Variants in SEMA4D observed in about 807,000 individuals in gnomAD.
SEMA4D encodes semaphorin 4D.
Under a neutral mutation model 74.8 loss-of-function variants are expected in SEMA4D, and 22 were observed. The ratio of observed to expected loss-of-function variants is 0.29; its 90% CI spans 0.21 to 0.42. The LOEUF (loss-of-function observed/expected upper bound fraction) is 0.42. Among genes scored for constraint, SEMA4D ranks in the 10% least tolerant of loss-of-function variants. SEMA4D has a pLI of 1.00. For missense variants in SEMA4D, 937 were observed against 1,118.4 expected, an observed-to-expected ratio of 0.84 and a Z score of 2.31; for synonymous variants, 445 against 463.7, an observed-to-expected ratio of 0.96 and a Z score of 0.52.
At chr9:89,384,115 G>A (rs1329537414) in intron 13 of SEMA4D, among the ~76,000 whole-genome samples, 3 of 152,218 alleles carry the variant, frequency 2.0e-5, no homozygotes, top group Non-Finnish European at 4.4e-5. Flanking sequence ...GGTGGGCTCA[G>A]AGAGGGCCGA....
intron 16 of SEMA4D, among the ~76,000 whole-genome samples, chr9:89,371,716 TGTG>T (rs1326966450): frequency 1.5e-5 from 1 of 68,210 alleles, no homozygotes; most frequent in Non-Finnish European, 2.7e-5. Context: ...GTGTCTGGGG[TGTG>T]GTGTGTGTCT....
At chr9:89,376,556 G>A (rs773154863), downstream of SEMA4D, 2 of 369,606 alleles carry the variant, frequency 5.4e-6, no homozygotes, top group Admixed American at 4.6e-5. Flanking sequence ...TAGTGGCTGT[G>A]ACACAGCCTG....
intron 2 of SEMA4D, among the ~76,000 whole-genome samples, chr9:89,440,728 G>A (rs1270336276): frequency 6.6e-6 from 1 of 152,200 alleles, no homozygotes; most frequent in African/African-American, 2.4e-5. Flanking sequence ...AGCAAAGTGG[G>A]GCTGACTCCA....
chr9:89,413,936 C>G (rs1218051972), intron 2 of SEMA4D, among the ~76,000 whole-genome samples: 2 of 152,208 alleles, frequency 1.3e-5, no homozygotes, highest in Non-Finnish European at 2.9e-5. Flanking sequence ...ATGTGTCACT[C>G]TGTTGCAGAA....
chr9:89,469,364 A>AC (rs752443317), intron 1 of SEMA4D, among the ~76,000 whole-genome samples: 26,087 of 152,184 alleles, frequency 0.17, no homozygotes, highest in East Asian at 0.27. Context: ...TTCCAGTAAA[A>AC]CTAACAATTA....
At chr9:89,441,754 G>A (rs117145054) in intron 2 of SEMA4D, among the ~76,000 whole-genome samples, 2,491 of 152,226 alleles carry the variant, frequency 0.016, 33 homozygotes, top group Non-Finnish European at 0.027. Context: ...ACCACTCTGC[G>A]TCCAGCTTTC....
chr9:89,447,502 G>T (rs938550597), intron 2 of SEMA4D, among the ~76,000 whole-genome samples: 1 of 151,174 alleles, frequency 6.6e-6, no homozygotes, highest in Admixed American at 6.6e-5. Context: ...TGTGCTCCCC[G>T]ACCCCCACCA....
chr9:89,446,999 G>A (rs960149629), intron 2 of SEMA4D, among the ~76,000 whole-genome samples: 5 of 152,226 alleles, frequency 3.3e-5, no homozygotes, highest in African/African-American at 1.2e-4. Flanking sequence ...CCTGCCATGT[G>A]TCCTATCCTT....
intron 8 of SEMA4D, among the ~76,000 whole-genome samples, chr9:89,391,958 C>T (rs1402134657): frequency 2.0e-5 from 3 of 152,240 alleles, no homozygotes; most frequent in Non-Finnish European, 4.4e-5. Flanking sequence ...CCACCAGCTT[C>T]TTCCTGCACA....
chr9:89,396,632 ATT>A, intron 6 of SEMA4D, 103 bp downstream of exon 6: 5 of 913,944 alleles, frequency 5.5e-6, no homozygotes, highest in African/African-American at 1.7e-5. Flanking sequence ...AGAAAATCCT[ATT>A]TTTTTTTAGG....
At chr9:89,376,030 G>T (rs1360234840), downstream of SEMA4D, among the ~76,000 whole-genome samples, 1 of 152,092 alleles carries the variant, frequency 6.6e-6, no homozygotes, top group Admixed American at 6.5e-5. Flanking sequence ...TAGAGATCAG[G>T]TCTCGCTATG....
chr9:89,444,505 C>T (rs1033985336), intron 2 of SEMA4D, among the ~76,000 whole-genome samples: 2 of 152,138 alleles, frequency 1.3e-5, no homozygotes, highest in Non-Finnish European at 2.9e-5. Flanking sequence ...CCAGACGGAA[C>T]CCAGTTTACA....
rs574255152 is a variant in SEMA4D at position 89,363,877 on chromosome 9, A to C, written c.1956T>G (p.His652Gln). 8 of 1,614,004 alleles carry C rather than the reference A, an allele frequency of 5.0e-6. No homozygotes were observed. In the Admixed American group the frequency reaches 1.3e-4, roughly 27 times the overall value. Residue 652 changes from histidine to glutamine, a missense_variant, in exon 17 of 19, where the codon CAT (histidine) becomes CAG (glutamine). Physicochemically the swap from His to Gln is conservative, Grantham distance 24. Coordinates refer to the SEMA4D transcript ENST00000339861. ...CATGGGCCCTGCCATCGGGCAGTGC[A>C]TGGGTCTGCACAGGGACACAGGTCT...
intron 1 of SEMA4D, among the ~76,000 whole-genome samples, chr9:89,458,754 T>C (rs565800313): frequency 6.6e-5 from 10 of 151,736 alleles, no homozygotes; most frequent in East Asian, 3.9e-4. Context: ...CACACACACA[T>C]ATACATATAT....
chr9:89,472,217 T>C lies in SEMA4D; in HGVS notation c.-309-16264A>G, dbSNP rs150261517. 3.1e-5 allele frequency: 7 copies of C among 228,390 alleles called. No individual in the cohort carries two copies. The East Asian group carries it at 9.6e-4, about 31-fold the overall frequency. 14.1% of individuals were successfully genotyped at this position (228,390 alleles called of 1,614,324 possible). A position where few individuals can be genotyped will look rare whatever the true frequency, so the allele number is the denominator to read the frequency against. On this transcript the variant is annotated intron_variant, in intron 1 of 15. Coordinates refer to ENST00000422704, the MANE Select transcript of SEMA4D (RefSeq NM_001371194.2). ...CACATCCCAAGGGTGAAGTCACTGG[T>C]GGAGGGTAAAGAACACAAGATGGCA...
intron 4 of SEMA4D, among the ~76,000 whole-genome samples, chr9:89,400,666 G>A (rs538539047): frequency 8.5e-5 from 13 of 152,334 alleles, no homozygotes; most frequent in Non-Finnish European, 1.5e-4. Context: ...AGCATTTAAA[G>A]TACAGATGAT....
chr9:89,476,021 C>T (rs1471094166), intron 1 of SEMA4D, among the ~76,000 whole-genome samples: 4 of 152,148 alleles, frequency 2.6e-5, no homozygotes, highest in Admixed American at 2.6e-4. Context: ...CAGTGGTGAC[C>T]GGAATGAAGC....
At chr9:89,450,632 C>G (rs1854147828) in intron 2 of SEMA4D, 1 of 761,270 alleles carries the variant, frequency 1.3e-6, no homozygotes, top group Non-Finnish European at 2.2e-6. Flanking sequence ...AGACCCTCCT[C>G]CAGAGTTCTG....
At position 89,488,386 on chromosome 9, in the gene SEMA4D, C is replaced by G; in HGVS notation, c.-310+9533G>C. ...TTTTTTTTTTTTTTTTTTTTGAGAACAGAGTCTCACTCTGTCACACAGGCT... is the reference window on the plus strand; with the variant it reads ...TTTTTTTTTTTTTTTTTTTTGAGAAGAGAGTCTCACTCTGTCACACAGGCT... On this transcript the variant is annotated intron_variant, in intron 1 of 15. Transcript: ENST00000422704. 3.4e-5 allele frequency among the ~76,000 whole-genome samples: 2 copies of G among 58,626 alleles called. 1 individual carries two copies. Among genetic ancestry groups the G allele is most frequent in the East Asian group, 9.0e-4 (2 of 2,222 alleles). The allele number at this position is 58,626 out of a possible 152,430, so 38.5% of individuals were successfully genotyped here.
Sources: allele counts gnomAD v4.1 joint callset (sites outside exome capture counted in the v4.1 genomes callset), GRCh38; gene constraint gnomAD v4.1.1; transcripts MANE v1.5; gene names NCBI Gene and HGNC (gene_info 2026-07-23, HGNC 2026-07-21).